EPHA5: variants seen among roughly 807,000 people sequenced by gnomAD.
The protein encoded by EPHA5 is ephrin type-A receptor 5.
EPHA5 carries 60 observed loss-of-function variants against 105.0 expected under a neutral mutation model. The ratio of observed to expected loss-of-function variants is 0.57; its 90% CI spans 0.46 to 0.71. The LOEUF (loss-of-function observed/expected upper bound fraction) is 0.71, where lower values mean the gene tolerates loss of function less well. Ranked by LOEUF, EPHA5 falls within the 30% of genes least tolerant of loss-of-function variation. EPHA5 has a pLI of 0.00. For missense variants in EPHA5, 1,218 were observed against 1,274.7 expected, an observed-to-expected ratio of 0.96 and a Z score of 0.68; for synonymous variants, 513 against 449.1, an observed-to-expected ratio of 1.14 and a Z score of -1.80.
chr4:65,525,927 G>C (rs1290222221), intron 3 of EPHA5, among the ~76,000 whole-genome samples: 7 of 151,542 alleles, frequency 4.6e-5, no homozygotes, highest in Non-Finnish European at 1.0e-4. Context: ...TGATTATAAA[G>C]AGATGAACAT....
chr4:65,366,840 G>C (rs1306923285), intron 9 of EPHA5, among the ~76,000 whole-genome samples: 1 of 151,686 alleles, frequency 6.6e-6, no homozygotes, highest in African/African-American at 2.4e-5. Context: ...ATTTAGGCTA[G>C]TTGTTCAAAT....
intron 1 of EPHA5, among the ~76,000 whole-genome samples, chr4:65,656,668 A>G (rs943662494): frequency 1.3e-5 from 2 of 149,884 alleles, no homozygotes; most frequent in Admixed American, 1.3e-4. Context: ...AGCTGAAGTG[A>G]AGAGGAGTGA....
intron 8 of EPHA5, chr4:65,377,213 C>T (rs903941890): frequency 2.1e-5 from 12 of 575,996 alleles, no homozygotes; most frequent in Non-Finnish European, 2.8e-5. Flanking sequence ...TTCCACAGTG[C>T]CTTTCAAATT....
At chr4:65,643,494 A>G in intron 1 of EPHA5, 67 bp from the exon 2 acceptor site, 1 of 1,313,514 alleles carries the variant, frequency 7.6e-7, no homozygotes, top group Non-Finnish European at 1.1e-6. Context: ...CTCTATTTTA[A>G]TAGTGTTATT....
At chr4:65,357,763 T>C (rs1040647376) in intron 11 of EPHA5, among the ~76,000 whole-genome samples, 1 of 151,384 alleles carries the variant, frequency 6.6e-6, no homozygotes, top group Non-Finnish European at 1.5e-5. Context: ...ACAGTGTGTG[T>C]AGGGGTAATA....
intron 11 of EPHA5, among the ~76,000 whole-genome samples, chr4:65,361,743 C>A (rs1717347126): frequency 6.6e-6 from 1 of 151,644 alleles, no homozygotes; most frequent in South Asian, 2.1e-4. Flanking sequence ...GACAGAGATT[C>A]TTCTAATGCT....
intron 3 of EPHA5, among the ~76,000 whole-genome samples, chr4:65,526,033 C>A (rs1467373254): frequency 1.3e-5 from 2 of 151,684 alleles, no homozygotes; most frequent in Non-Finnish European, 2.9e-5. Flanking sequence ...GAAATAAATC[C>A]TATCAGTATT....
chr4:65,465,487 GAA>G (rs1487445874), intron 5 of EPHA5, among the ~76,000 whole-genome samples: 1 of 83,394 alleles, frequency 1.2e-5, no homozygotes, highest in African/African-American at 4.4e-5. Context: ...AAGAAAGAAA[GAA>G]AGAAAGAAAG....
chr4:65,576,024 A>G (rs1272972716), intron 3 of EPHA5, among the ~76,000 whole-genome samples: 24 of 110,876 alleles, frequency 2.2e-4, no homozygotes, highest in African/African-American at 8.0e-4. Context: ...GAAAGAAAGA[A>G]AGAAAGAAAG....
intron 3 of EPHA5, among the ~76,000 whole-genome samples, chr4:65,496,159 T>G (rs1156625730): frequency 6.6e-6 from 1 of 152,176 alleles, no homozygotes; most frequent in Non-Finnish European, 1.5e-5. Flanking sequence ...GATTCAACAT[T>G]TATCTATTCT....
At chr4:65,494,703 A>G (rs1578249280) in intron 4 of EPHA5, among the ~76,000 whole-genome samples, 1 of 152,174 alleles carries the variant, frequency 6.6e-6, no homozygotes, top group African/African-American at 2.4e-5. Flanking sequence ...AAATATATTA[A>G]ATAATAGTTA....
intron 1 of EPHA5, among the ~76,000 whole-genome samples, chr4:65,663,493 C>A (rs900690436): frequency 6.6e-6 from 1 of 151,922 alleles, no homozygotes; most frequent in Admixed American, 6.6e-5. Flanking sequence ...AAAACAAGAC[C>A]TTCAATTACT....
intron 3 of EPHA5, among the ~76,000 whole-genome samples, chr4:65,518,734 A>T (rs1447181442): frequency 6.6e-6 from 1 of 151,948 alleles, no homozygotes; most frequent in Non-Finnish European, 1.5e-5. Context: ...TATTTTTGAA[A>T]ATAAGAGCAA....
chr4:65,621,431 C>A (rs1578605530), intron 2 of EPHA5, among the ~76,000 whole-genome samples: 4 of 152,100 alleles, frequency 2.6e-5, no homozygotes, highest in Admixed American at 2.0e-4. Flanking sequence ...GGTAAATAGT[C>A]ATTAGCACAT....
chr4:65,593,793 C>T (rs947361058), intron 3 of EPHA5, among the ~76,000 whole-genome samples: 1 of 152,134 alleles, frequency 6.6e-6, no homozygotes, highest in Non-Finnish European at 1.5e-5. Context: ...AAGCCCAATG[C>T]CGTTAATCTG....
chr4:65,514,020 CT>C (rs986746251), intron 3 of EPHA5, among the ~76,000 whole-genome samples: 37 of 152,218 alleles, frequency 2.4e-4, no homozygotes, highest in Admixed American at 5.9e-4. Flanking sequence ...TATCTATAAT[CT>C]TTTTTTCATA....
chr4:65,514,293 T>C (rs1056824003), intron 3 of EPHA5, among the ~76,000 whole-genome samples: 2 of 152,186 alleles, frequency 1.3e-5, no homozygotes, highest in African/African-American at 2.4e-5. Flanking sequence ...TGAGATCCTC[T>C]GTCCCCTGAA....
At chr4:65,385,982 A>C (rs1720044216) in intron 8 of EPHA5, among the ~76,000 whole-genome samples, 1 of 151,930 alleles carries the variant, frequency 6.6e-6, no homozygotes, top group East Asian at 1.9e-4. Flanking sequence ...GAAACCTATA[A>C]GATTTTTGGA....
chr4:65,575,001 A>C (rs1254883766), intron 3 of EPHA5, among the ~76,000 whole-genome samples: 3 of 151,804 alleles, frequency 2.0e-5, no homozygotes, highest in African/African-American at 7.3e-5. Flanking sequence ...ACAGGTGTGT[A>C]CTTTAGATAA....
Sources: gnomAD v4.1 joint callset for allele counts (sites outside exome capture counted in the v4.1 genomes callset) on GRCh38, gnomAD v4.1.1 for gene constraint, MANE v1.5 for transcripts, NCBI Gene and HGNC (gene_info 2026-07-23, HGNC 2026-07-21) for gene names.